CCL4: variants seen among roughly 807,000 people sequenced by gnomAD.
The protein encoded by CCL4 is C-C motif chemokine ligand 4, also known as C-C motif chemokine 4.
A neutral mutation model predicts 10.3 loss-of-function variants in CCL4; 8 were observed. That is an observed-to-expected ratio of 0.77 (90% CI 0.45 to 1.39). The LOEUF is 1.39. Ranked by LOEUF, CCL4 falls within the 40% of genes most tolerant of loss-of-function variation. The pLI, the probability that CCL4 is intolerant of heterozygous loss-of-function variation, is 0.00. For synonymous variants in CCL4, 35 were observed against 44.3 expected, an observed-to-expected ratio of 0.79 and a Z score of 0.83; for missense variants, 106 against 111.2, an observed-to-expected ratio of 0.95 and a Z score of 0.21.
Position 36,103,976 on chromosome 17 carries a change from C to T in CCL4, c.71C>T (p.Ala24Val), listed in dbSNP as rs765673337. The part of the protein sequence containing the change: ...VAAFCSPALS[A>V]PMGSDPPTAC... ...GCCTTCTGCTCTCCAGCGCTCTCAG[C>T]ACCAAGTAAGTCTACTTTTGCAGCT... is the stretch of plus-strand genomic sequence containing the variant. Residue 24 changes from alanine to valine, a missense_variant, in exon 1 of 3, where the codon GCA becomes GTA. Ala to Val is a moderately conservative substitution (Grantham distance 64). Transcript: ENST00000615863. 6.2e-7 allele frequency: 1 copy of T among 1,613,862 alleles called. No homozygotes were observed. The highest frequency in any genetic ancestry group is 1.7e-5 in the Admixed American group (1 of 60,000).
At chr17:36,104,281 C>T (rs2067141974) in intron 1 of CCL4, 4 of 704,398 alleles carry the variant, frequency 5.7e-6, no homozygotes, top group East Asian at 2.7e-5. Context: ...CCTTGGTTTC[C>T]CCATCTGTCA....
chr17:36,105,379 T>A lies in CCL4; in HGVS notation c.*67T>A. The A allele has an allele frequency of 6.7e-7, 1 of 1,488,126 alleles. No individual in the cohort carries two copies. Among genetic ancestry groups the A allele is most frequent in the Non-Finnish European group, 9.4e-7 (1 of 1,065,254 alleles). The allele number at this position is 1,488,126 out of a possible 1,614,324, so 92.2% of individuals were successfully genotyped here. ...CCCGGATGCTTCTCCATGAGACACA[T>A]CTCCTCCATACTCAGGACTCCTCTC... On this transcript the variant is annotated 3_prime_UTR_variant, in exon 3 of 3. Coordinates refer to ENST00000615863, the MANE Select transcript of CCL4 (RefSeq NM_002984.4).
Position 36,105,231 on chromosome 17 carries a change from A to G in CCL4, c.198A>G (p.Gln66=). ...SLCSQPAVVF[Q]TKRSKQVCAD... is the part of the protein sequence containing the mutation. ...TCCGCTCCTTGTTCTACAGATTCCA[A>G]ACCAAAAGAAGCAAGCAAGTCTGTG... The change falls in exon 3 of 3, where the codon CAA becomes CAG. Residue 66 remains glutamine, a synonymous_variant. Transcript: ENST00000615863. 2 of 1,613,838 alleles carry G rather than the reference A, an allele frequency of 1.2e-6. No individual in the cohort carries two copies. Among genetic ancestry groups the G allele is most frequent in the Non-Finnish European group, 1.7e-6 (2 of 1,179,704 alleles).
chr17:36,104,315 T>C, intron 1 of CCL4: 1 of 713,326 alleles, frequency 1.4e-6, no homozygotes, highest in South Asian at 1.5e-5. Context: ...CGATGTGTTC[T>C]GAGACTGAAT....
In CCL4 at chr17:36,105,216, G is replaced by C. The variant is rs561002116; in HGVS notation, c.192-9G>C. On this transcript the variant is annotated splice_polypyrimidine_tract_variant and intron_variant, in intron 2 of 2. Transcript: ENST00000615863. ...TGAGATTCTAATCTGTCCGCTCCTT[G>C]TTCTACAGATTCCAAACCAAAAGAA... The C allele has an allele frequency of 6.2e-7, 1 of 1,612,040 alleles. No homozygotes were observed. Among genetic ancestry groups the C allele is most frequent in the Non-Finnish European group, 8.5e-7 (1 of 1,178,202 alleles).
In CCL4 at chr17:36,105,262, C is replaced by T. The variant is rs566173519; in HGVS notation, c.229C>T (p.Pro77Ser). 23 of 1,614,048 alleles carry T rather than the reference C, an allele frequency of 1.4e-5. No individual in the cohort carries two copies. The South Asian group carries it at 2.1e-4, about 15-fold the overall frequency. The change falls in exon 3 of 3, where the codon CCC becomes TCC. Residue 77 changes from proline to serine, a missense_variant. Coordinates refer to ENST00000615863, the MANE Select transcript of CCL4 (RefSeq NM_002984.4). ...AAGAAGCAAGCAAGTCTGTGCTGAT[C>T]CCAGTGAATCCTGGGTCCAGGAGTA... ...TKRSKQVCAD[P>S]SESWVQEYVY...
Position 36,105,058 on chromosome 17 carries a change from G to A in CCL4, c.192-167G>A, listed in dbSNP as rs142338429. 784 of 802,722 alleles carry A rather than the reference G, an allele frequency of 9.8e-4. 5 individuals are homozygous for A. In the African/African-American group the frequency reaches 0.012, roughly 12 times the overall value. The allele number at this position is 802,722 out of a possible 1,614,324, so 49.7% of individuals were successfully genotyped here. A position where few individuals can be genotyped will look rare whatever the true frequency, so the allele number is the denominator to read the frequency against. On this transcript the variant is annotated intron_variant, in intron 2 of 2. Coordinates refer to ENST00000615863, the MANE Select transcript of CCL4 (RefSeq NM_002984.4). The stretch of plus-strand genomic sequence containing the variant: ...CCTGGGGCCCACAGCTAAATCCAGT[G>A]GGTGGAAGTTACAGGGAGTCTGCTT...
chr17:36,104,960 G>A (rs867904914), intron 2 of CCL4: 26 of 707,710 alleles, frequency 3.7e-5, no homozygotes, highest in Middle Eastern at 2.9e-4. Flanking sequence ...AAAAGTCACT[G>A]CCAGGCTGGC....
Position 36,105,241 on chromosome 17 carries a change from A to T in CCL4, c.208A>T (p.Ser70Cys), listed in dbSNP as rs1130760. The T allele has an allele frequency of 6.2e-7, 1 of 1,613,972 alleles. No homozygotes were observed. Among genetic ancestry groups the T allele is most frequent in the Non-Finnish European group, 8.5e-7 (1 of 1,179,838 alleles). ...GTTCTACAGATTCCAAACCAAAAGA[A>T]GCAAGCAAGTCTGTGCTGATCCCAG... ...QPAVVFQTKR[S>C]KQVCADPSES... The change falls in exon 3 of 3, where the codon AGC (serine) becomes TGC (cysteine). Residue 70 changes from serine to cysteine, a missense_variant. By Grantham distance (112) the Ser-to-Cys change is moderately radical. Coordinates refer to ENST00000615863, the MANE Select transcript of CCL4 (RefSeq NM_002984.4).
Position 36,105,275 on chromosome 17 carries a change from G to A in CCL4, c.242G>A (p.Trp81Ter), listed in dbSNP as rs1428023501. 1 of 1,613,928 alleles carries A rather than the reference G, an allele frequency of 6.2e-7. No homozygotes were observed. The highest frequency in any genetic ancestry group is 8.5e-7 in the Non-Finnish European group (1 of 1,179,922). The change falls in exon 3 of 3, where the codon TGG becomes TAG. Residue 81 changes from tryptophan to a stop codon, truncating the protein, a stop_gained. Transcript: ENST00000615863. LOFTEE classifies it high-confidence loss of function. The part of the protein sequence containing the change: ...KQVCADPSES[W>*]VQEYVYDLEL... Reference sequence around the variant, plus strand: ...GTCTGTGCTGATCCCAGTGAATCCTGGGTCCAGGAGTACGTGTATGACCTG... The same window carrying A: ...GTCTGTGCTGATCCCAGTGAATCCTAGGTCCAGGAGTACGTGTATGACCTG...
Position 36,105,385 on chromosome 17 carries a change from C to A in CCL4, c.*73C>A. The A allele has an allele frequency of 1.4e-6, 2 of 1,457,870 alleles. No homozygotes were observed. Among genetic ancestry groups the A allele is most frequent in the Admixed American group, 3.4e-5 (2 of 59,646 alleles). 90.3% of individuals were successfully genotyped at this position (1,457,870 alleles called of 1,614,324 possible). On this transcript the variant is annotated 3_prime_UTR_variant, in exon 3 of 3. Coordinates refer to ENST00000615863, the MANE Select transcript of CCL4 (RefSeq NM_002984.4). ...TGCTTCTCCATGAGACACATCTCCT[C>A]CATACTCAGGACTCCTCTCCGCAGT... is the stretch of plus-strand genomic sequence containing the variant.
At chr17:36,104,066 C>G in intron 1 of CCL4, 85 bp downstream of exon 1, 1 of 1,510,286 alleles carries the variant, frequency 6.6e-7, no homozygotes. Context: ...ACAGTGGGAT[C>G]TGGGGATGGG....
rs781405487 is a variant in CCL4, at chr17:36,105,296, A to T, written c.263A>T (p.Asp88Val). 5.0e-6 allele frequency: 8 copies of T among 1,613,924 alleles called. No homozygotes were observed. Among genetic ancestry groups the T allele is most frequent in the Non-Finnish European group, 6.8e-6 (8 of 1,179,796 alleles). ...SESWVQEYVY[D>V]LELN ...TCCTGGGTCCAGGAGTACGTGTATGACCTGGAACTGAACTGAGCTGCTCAG... is the reference window on the plus strand; with the variant it reads ...TCCTGGGTCCAGGAGTACGTGTATGTCCTGGAACTGAACTGAGCTGCTCAG... Residue 88 changes from aspartate (D) to valine (V), a missense_variant, in exon 3 of 3, where the codon GAC (aspartate) becomes GTC (valine). Coordinates refer to ENST00000615863, the MANE Select transcript of CCL4 (RefSeq NM_002984.4).
chr17:36,105,447 C>T lies in CCL4; in HGVS notation c.*135C>T, dbSNP rs111543488. On this transcript the variant is annotated 3_prime_UTR_variant, in exon 3 of 3. Transcript: ENST00000615863. ...CTCTTAATTTAATCTTTTTTATGTGCCGTGTTATTGTATTAGGTGTCATTT... is the reference window on the plus strand; with the variant it reads ...CTCTTAATTTAATCTTTTTTATGTGTCGTGTTATTGTATTAGGTGTCATTT... 8.9e-6 allele frequency: 8 copies of T among 902,134 alleles called. No individual in the cohort carries two copies. In the African/African-American group the frequency reaches 1.2e-4, roughly 13 times the overall value. 55.9% of individuals were successfully genotyped at this position (902,134 alleles called of 1,614,324 possible).
intron 2 of CCL4, 44 bp downstream of exon 2, chr17:36,104,686 G>A (rs776942311): frequency 1.2e-6 from 2 of 1,612,396 alleles, no homozygotes; most frequent in Non-Finnish European, 1.7e-6. Flanking sequence ...AAGGGTGAGG[G>A]CTGGATTTTA....
intron 2 of CCL4, 199 bp downstream of exon 2, chr17:36,104,841 AGGGGGTTGCTG>A: frequency 1.3e-6 from 1 of 749,372 alleles, no homozygotes. Context: ...CCGAGAGAGA[AGGGGGTTGCTG>A]GGGAGGAAGT....
At chr17:36,104,810 C>T in intron 2 of CCL4, 168 bp downstream of exon 2, 1 of 891,544 alleles carries the variant, frequency 1.1e-6, no homozygotes, top group Non-Finnish European at 1.8e-6. Flanking sequence ...TTTTCAAGTG[C>T]TGAAGGCGGC....
In CCL4 at chr17:36,105,351, G is replaced by T; in HGVS notation, c.*39G>T. ...AGGAAGTCTTCAGGGAAGGTCACCT[G>T]AGCCCGGATGCTTCTCCATGAGACA... On this transcript the variant is annotated 3_prime_UTR_variant, in exon 3 of 3. Coordinates refer to ENST00000615863, the MANE Select transcript of CCL4 (RefSeq NM_002984.4). 1 of 1,596,238 alleles carries T rather than the reference G, an allele frequency of 6.3e-7. No homozygotes were observed. Among genetic ancestry groups the T allele is most frequent in the Non-Finnish European group, 8.6e-7 (1 of 1,163,704 alleles).
In CCL4 at chr17:36,105,514, A is replaced by G. The variant is rs2067155277; in HGVS notation, c.*202A>G. The G allele has an allele frequency of 6.3e-6, 4 of 637,908 alleles. No homozygotes were observed. The highest frequency in any genetic ancestry group is 1.1e-5 in the Non-Finnish European group (4 of 355,724). The allele number at this position is 637,908 out of a possible 1,614,324, so 39.5% of individuals were successfully genotyped here. On this transcript the variant is annotated 3_prime_UTR_variant, in exon 3 of 3. Coordinates refer to ENST00000615863, the MANE Select transcript of CCL4 (RefSeq NM_002984.4). Reference sequence around the variant, plus strand: ...TTTAGCCAAAGGATAAGTGTCCCCTATGGGGATGGTCCACTGTCACTGTTT... The same window carrying G: ...TTTAGCCAAAGGATAAGTGTCCCCTGTGGGGATGGTCCACTGTCACTGTTT...
Sources: allele counts gnomAD v4.1 joint callset, GRCh38; gene constraint gnomAD v4.1.1; transcripts MANE v1.5; gene names NCBI Gene and HGNC (gene_info 2026-07-23, HGNC 2026-07-21).